Variants in NRXN3 observed in about 807,000 individuals in gnomAD.
NRXN3 encodes neurexin III.
A neutral mutation model predicts 137.6 loss-of-function variants in NRXN3; 32 were observed. The observed-to-expected ratio is 0.23, with a 90% confidence interval of 0.18 to 0.31. The LOEUF is 0.31. Ranked by LOEUF, NRXN3 falls within the 10% of genes least tolerant of loss-of-function variation. The probability of loss-of-function intolerance (pLI) is 1.00; values close to 1 mark genes in which losing one functional copy is unlikely to be tolerated. For missense variants in NRXN3, 1,574 were observed against 2,062.5 expected, an observed-to-expected ratio of 0.76 and a Z score of 4.59; for synonymous variants, 798 against 784.5, an observed-to-expected ratio of 1.02 and a Z score of -0.29.
At chr14:78,371,902 A>G (rs1475153412) in intron 4 of NRXN3, among the ~76,000 whole-genome samples, 2 of 152,178 alleles carry the variant, frequency 1.3e-5, no homozygotes, top group Non-Finnish European at 2.9e-5. Flanking sequence ...GAAACCATAG[A>G]AGACAGGCAC....
intron 16 of NRXN3, among the ~76,000 whole-genome samples, chr14:79,584,888 G>A (rs918668480): frequency 4.6e-5 from 7 of 152,178 alleles, no homozygotes; most frequent in Non-Finnish European, 1.0e-4. Context: ...TTCGATTAAT[G>A]AACATGTGGC....
At chr14:79,617,668 C>A (rs7154965) in intron 16 of NRXN3, among the ~76,000 whole-genome samples, 1 of 151,842 alleles carries the variant, frequency 6.6e-6, no homozygotes. Context: ...GAGTCTTTCC[C>A]TAACGAGAAT....
chr14:79,168,348 G>A (rs1410145900), intron 15 of NRXN3, among the ~76,000 whole-genome samples: 2 of 151,960 alleles, frequency 1.3e-5, no homozygotes, highest in Non-Finnish European at 2.9e-5. Context: ...GAGGGAGATA[G>A]TTGATATTCA....
intron 15 of NRXN3, among the ~76,000 whole-genome samples, chr14:79,180,529 T>G (rs2062812575): frequency 1.3e-5 from 2 of 152,194 alleles, no homozygotes; most frequent in South Asian, 4.1e-4. Flanking sequence ...AAAAATTGAA[T>G]TAGCTCTCAT....
At chr14:79,212,477 A>G (rs900106414) in intron 15 of NRXN3, among the ~76,000 whole-genome samples, 2 of 152,206 alleles carry the variant, frequency 1.3e-5, no homozygotes, top group Non-Finnish European at 2.9e-5. Flanking sequence ...GAAAACAGAG[A>G]TGAGAAGGAT....
intron 15 of NRXN3, among the ~76,000 whole-genome samples, chr14:79,008,539 G>C (rs569246140): frequency 2.0e-5 from 3 of 150,892 alleles, no homozygotes; most frequent in Non-Finnish European, 4.4e-5. Flanking sequence ...GCTTGCCAGC[G>C]TAAGTTTCCT....
At chr14:78,493,109 T>G (rs994111811) in intron 4 of NRXN3, among the ~76,000 whole-genome samples, 9 of 152,182 alleles carry the variant, frequency 5.9e-5, no homozygotes, top group African/African-American at 2.2e-4. Flanking sequence ...CTACAGATGG[T>G]TGACTTTTAC....
At chr14:79,176,365 T>C (rs1320343688) in intron 15 of NRXN3, among the ~76,000 whole-genome samples, 4 of 152,096 alleles carry the variant, frequency 2.6e-5, no homozygotes, top group African/African-American at 9.7e-5. Flanking sequence ...ATAATTGAAT[T>C]AGAATGCCTT....
At chr14:79,318,369 T>C (rs1013293962) in intron 15 of NRXN3, among the ~76,000 whole-genome samples, 1 of 152,224 alleles carries the variant, frequency 6.6e-6, no homozygotes, top group Admixed American at 6.5e-5. Context: ...AGGGACAGTT[T>C]GGATGCTGGG....
intron 3 of NRXN3, chr14:78,282,108 A>T: frequency 2.0e-6 from 1 of 498,508 alleles, no homozygotes. Flanking sequence ...GACCTATCCA[A>T]GGCCATGTTA....
chr14:78,832,537 T>C (rs1043952116), intron 10 of NRXN3, among the ~76,000 whole-genome samples: 1 of 151,948 alleles, frequency 6.6e-6, no homozygotes, highest in African/African-American at 2.4e-5. Context: ...AAATCCTCTC[T>C]GTGCCTTGGT....
chr14:79,052,493 G>T (rs2099643375), intron 15 of NRXN3, among the ~76,000 whole-genome samples: 1 of 152,288 alleles, frequency 6.6e-6, no homozygotes, highest in South Asian at 2.1e-4. Context: ...AGAGCAGTGG[G>T]ATACATCCTG....
Position 78,435,229 on chromosome 14 carries a change from T to C in NRXN3, c.757+137369T>C, listed in dbSNP as rs943357888. Among the ~76,000 whole-genome samples, 25 of 152,354 alleles carry C rather than the reference T, an allele frequency of 1.6e-4. 1 individual carries two copies. Among genetic ancestry groups the C allele is most frequent in the African/African-American group, 6.0e-4 (25 of 41,590 alleles). On this transcript the variant is annotated intron_variant, in intron 4 of 20. Coordinates refer to ENST00000335750, the MANE Select transcript of NRXN3 (RefSeq NM_001330195.2). Reference sequence around the variant, plus strand: ...CACTTCCCTGATTCTTTAAAAATTTTATGTGATTGTTCTTGGAAGGAAAGC... The same window carrying C: ...CACTTCCCTGATTCTTTAAAAATTTCATGTGATTGTTCTTGGAAGGAAAGC...
In NRXN3 at chr14:78,698,826, C is replaced by T. The variant is rs561153663; in HGVS notation, c.1222-10391C>T. ...GCCGGGGAAAACTCTACTAAATATT[C>T]AGTGGTTCCAAGAAATGCCTTTTAA... On this transcript the variant is annotated intron_variant, in intron 6 of 20. Transcript: ENST00000335750. 5.3e-5 allele frequency among the ~76,000 whole-genome samples: 8 copies of T among 152,164 alleles called. No individual in the cohort carries two copies. In the South Asian group the frequency reaches 1.5e-3, roughly 28 times the overall value.
intron 15 of NRXN3, among the ~76,000 whole-genome samples, chr14:79,435,593 T>TGCACAC (rs1555447167): frequency 1.4e-5 from 2 of 143,824 alleles, no homozygotes; most frequent in Admixed American, 1.4e-4. Flanking sequence ...AACACTAAGA[T>TGCACAC]ACACACACAC....
intron 17 of NRXN3, among the ~76,000 whole-genome samples, chr14:79,690,539 A>G (rs144227232): frequency 6.6e-6 from 1 of 152,214 alleles, no homozygotes; most frequent in East Asian, 1.9e-4. Flanking sequence ...CCCTGTACCA[A>G]CCAGATACAG....
chr14:79,423,169 T>A (rs1160450966), intron 15 of NRXN3, among the ~76,000 whole-genome samples: 1 of 152,174 alleles, frequency 6.6e-6, no homozygotes, highest in Non-Finnish European at 1.5e-5. Flanking sequence ...TGGCCAGGGG[T>A]AAAATGCCCT....
At chr14:79,173,228 A>C (rs1326609388) in intron 15 of NRXN3, among the ~76,000 whole-genome samples, 1 of 152,166 alleles carries the variant, frequency 6.6e-6, no homozygotes, top group Non-Finnish European at 1.5e-5. Flanking sequence ...TCAACATATA[A>C]AAAGTTTAAG....
chr14:78,282,090 A>C (rs1254833644), intron 3 of NRXN3: 2 of 487,818 alleles, frequency 4.1e-6, no homozygotes. Context: ...AGGCCCAAGA[A>C]GGGAAAGGAC....
Sources: gnomAD v4.1 joint callset for allele counts (sites outside exome capture counted in the v4.1 genomes callset) on GRCh38, gnomAD v4.1.1 for gene constraint, MANE v1.5 for transcripts, NCBI Gene and HGNC (gene_info 2026-07-23, HGNC 2026-07-21) for gene names.